The following NFRKB variants were observed in gnomAD, a reference collection of about 807,000 sequenced individuals.
The protein encoded by NFRKB is nuclear factor related to kappa-B-binding protein.
A neutral mutation model predicts 135.7 loss-of-function variants in NFRKB; 62 were observed. The observed-to-expected ratio is 0.46, with a 90% CI of 0.37 to 0.56. The LOEUF (loss-of-function observed/expected upper bound fraction) is 0.56. NFRKB is among the 20% of genes least tolerant of loss of function. The probability of loss-of-function intolerance (pLI) is 0.00; values close to 1 mark genes in which losing one functional copy is unlikely to be tolerated. For missense variants in NFRKB, 1,545 were observed against 1,662.0 expected, an observed-to-expected ratio of 0.93 and a Z score of 1.22; for synonymous variants, 678 against 635.6, an observed-to-expected ratio of 1.07 and a Z score of -1.00.
Position 129,870,215 on chromosome 11 carries a change from C to T in NFRKB, c.2810G>A (p.Ser937Asn), listed in dbSNP as rs574770080. 4 of 1,614,198 alleles carry T rather than the reference C, an allele frequency of 2.5e-6. No individual in the cohort carries two copies. Among genetic ancestry groups the T allele is most frequent in the South Asian group, 1.1e-5 (1 of 91,080 alleles). ...QLGVKPQTGN[S>N]IPLTATNFRI... ...GAAGTTAGTGGCTGTGAGTGGAATGCTGTTGCCTGTTTGGGGCTTCACACC... is the reference window on the plus strand; with the variant it reads ...GAAGTTAGTGGCTGTGAGTGGAATGTTGTTGCCTGTTTGGGGCTTCACACC... Residue 937 changes from serine to asparagine, a missense_variant, in exon 24 of 27, where the codon AGC becomes AAC. Physicochemically the swap from Ser to Asn is conservative, Grantham distance 46. This residue lies in a region of NFRKB where 753 missense variants were observed against 804.3 expected (regional missense o/e 0.94). Transcript: ENST00000682444.
At position 129,877,405 on chromosome 11, in the gene NFRKB, G is replaced by C; in HGVS notation, c.1512-20C>G. The C allele has an allele frequency of 6.2e-7, 1 of 1,613,206 alleles. No individual in the cohort carries two copies. Among genetic ancestry groups the C allele is most frequent in the East Asian group, 2.2e-5 (1 of 44,880 alleles). On this transcript the variant is annotated intron_variant, in intron 15 of 26. Transcript: ENST00000682444. ...GTTCTTCTGGAATATAAAGAATTCT[G>C]TATCAACCCTGACAGCTGGCACGTG...
Position 129,883,130 on chromosome 11 carries a change from G to A in NFRKB, c.893C>T (p.Ser298Phe). Residue 298 changes from serine (S) to phenylalanine (F), a missense_variant, in exon 9 of 27, where the codon TCT (serine) becomes TTT (phenylalanine). Coordinates refer to ENST00000682444, the MANE Select transcript of NFRKB (RefSeq NM_001143835.2). ...MTRVNAGRKG[S>F]LAALYDLAVL... ...GGGGCCCAGTCATTTACCTGCCAGA[G>A]AGCCCTTCCTGCCAGCATTTACTCG... 1 of 1,614,030 alleles carries A rather than the reference G, an allele frequency of 6.2e-7. No homozygotes were observed. Among genetic ancestry groups the A allele is most frequent in the Non-Finnish European group, 8.5e-7 (1 of 1,179,990 alleles).
chr11:129,891,606 C>T (rs929850805), intron 3 of NFRKB, among the ~76,000 whole-genome samples: 5 of 152,162 alleles, frequency 3.3e-5, no homozygotes, highest in Non-Finnish European at 7.3e-5. Flanking sequence ...GAAATTCCAC[C>T]GCTAGCCTTA....
In NFRKB at chr11:129,875,376, G is replaced by A. The variant is rs1378322928; in HGVS notation, c.1835C>T (p.Pro612Leu). The change falls in exon 18 of 27, where the codon CCA becomes CTA. Residue 612 changes from proline to leucine, a missense_variant. By Grantham distance (98) the Pro-to-Leu change is moderately conservative. Coordinates refer to ENST00000682444, the MANE Select transcript of NFRKB (RefSeq NM_001143835.2). ...TCCTACCTGAGTGCTGGTGACATCT[G>A]GTGCAAGAAACTGGGAGTCCTTAAG... is the stretch of plus-strand genomic sequence containing the variant. ...ELLKDSQFLA[P>L]DVTSTQVNTV... The A allele has an allele frequency of 1.2e-6, 2 of 1,612,850 alleles. No individual in the cohort carries two copies. Among genetic ancestry groups the A allele is most frequent in the Non-Finnish European group, 1.7e-6 (2 of 1,179,564 alleles).
At chr11:129,892,563 TAAAA>T (rs1256200480) in intron 3 of NFRKB, 148 bp downstream of exon 3, 3 of 731,664 alleles carry the variant, frequency 4.1e-6, no homozygotes, top group Admixed American at 2.9e-5. Context: ...ACTCTAAACT[TAAAA>T]AAAAGATAAG....
At chr11:129,875,261 TCA>T in intron 18 of NFRKB, 94 bp downstream of exon 18, 1 of 1,041,908 alleles carries the variant, frequency 9.6e-7, no homozygotes, top group Admixed American at 2.4e-5. Flanking sequence ...TTCACTTCAT[TCA>T]GTTTTTAAAA....
intron 17 of NFRKB, 95 bp downstream of exon 17, chr11:129,876,626 G>A: frequency 1.5e-6 from 2 of 1,376,360 alleles, no homozygotes; most frequent in East Asian, 2.4e-5. Context: ...CCTACCCTGG[G>A]TGGAGGGGTA....
intron 10 of NFRKB, 21 bp downstream of exon 10, chr11:129,882,430 G>A (rs771551498): frequency 1.2e-6 from 2 of 1,609,978 alleles, no homozygotes; most frequent in South Asian, 2.2e-5. Flanking sequence ...GAGAATTACA[G>A]AATCTCTGTT....
intron 2 of NFRKB, chr11:129,893,398 A>AAAAG: frequency 2.6e-6 from 1 of 389,902 alleles, no homozygotes; most frequent in Non-Finnish European, 5.0e-6. Flanking sequence ...ACAAAAAAAA[A>AAAAG]AAAAAAAAAA....
chr11:129,894,346 C>T lies in NFRKB; in HGVS notation c.-22+13G>A, dbSNP rs1211469799. On this transcript the variant is annotated intron_variant, in intron 2 of 26. Transcript: ENST00000682444. Reference sequence around the variant, plus strand: ...TTCCACATTCCACAAACACCACATTCCACAAATCTTACCACGCCAGGTGTC... The same window carrying T: ...TTCCACATTCCACAAACACCACATTTCACAAATCTTACCACGCCAGGTGTC... 2 of 152,248 alleles carry T rather than the reference C, an allele frequency of 1.3e-5. No individual in the cohort carries two copies. Among genetic ancestry groups the T allele is most frequent in the Non-Finnish European group, 2.9e-5 (2 of 68,046 alleles). The allele number at this position is 152,248 out of a possible 1,614,324, so 9.4% of individuals were successfully genotyped here.
intron 24 of NFRKB, among the ~76,000 whole-genome samples, chr11:129,867,099 A>G (rs1948229090): frequency 6.6e-6 from 1 of 152,186 alleles, no homozygotes; most frequent in African/African-American, 2.4e-5. Context: ...CCCTTCAGGA[A>G]CTACCAAAAA....
chr11:129,868,876 C>T (rs926061436), intron 24 of NFRKB, among the ~76,000 whole-genome samples: 4 of 152,072 alleles, frequency 2.6e-5, no homozygotes, highest in Non-Finnish European at 4.4e-5. Context: ...CAAAATAAGC[C>T]GGGTGTGATG....
rs545927194 is a variant in NFRKB at position 129,888,815 on chromosome 11, T to C, written c.136-20A>G. On this transcript the variant is annotated intron_variant, in intron 3 of 26. Transcript: ENST00000682444. ...CTCAGGCTAGGAGAAATAGGAAAAGTAAACAAAAGTAAAATAAATTTTTGA... is the reference window on the plus strand; with the variant it reads ...CTCAGGCTAGGAGAAATAGGAAAAGCAAACAAAAGTAAAATAAATTTTTGA... 3.1e-6 allele frequency: 5 copies of C among 1,594,166 alleles called. No homozygotes were observed. In the South Asian group the frequency reaches 4.5e-5, roughly 14 times the overall value.
chr11:129,887,698 A>G (rs1025615263), intron 4 of NFRKB, among the ~76,000 whole-genome samples: 1 of 152,220 alleles, frequency 6.6e-6, no homozygotes, highest in East Asian at 1.9e-4. Flanking sequence ...CAGATCCTGG[A>G]TTTACACAGC....
chr11:129,885,348 G>T, intron 6 of NFRKB, 87 bp downstream of exon 6: 1 of 1,440,912 alleles, frequency 6.9e-7, no homozygotes, highest in Non-Finnish European at 9.5e-7. Context: ...TTGCTGGGGA[G>T]ATAAATGGCT....
chr11:129,890,350 G>A (rs188559972), intron 3 of NFRKB, among the ~76,000 whole-genome samples: 3 of 152,134 alleles, frequency 2.0e-5, no homozygotes, highest in Admixed American at 6.5e-5. Flanking sequence ...GCATAGAGGC[G>A]CCTAATAGAA....
chr11:129,872,931 TGGA>T lies in NFRKB; in HGVS notation c.2713_2715del (p.Ser905del). On this transcript the variant is annotated inframe_deletion, in exon 23 of 27. Coordinates refer to ENST00000682444, the MANE Select transcript of NFRKB (RefSeq NM_001143835.2). ...GTGACATTTTGAATGACGGCAGCCGTGGAGGCACTGGGAGCAGAGGTCCCAGGA... is the reference window on the plus strand; with the variant it reads ...GTGACATTTTGAATGACGGCAGCCGTGGCACTGGGAGCAGAGGTCCCAGGA... 6.2e-7 allele frequency: 1 copy of T among 1,613,872 alleles called. No individual in the cohort carries two copies. Among genetic ancestry groups the T allele is most frequent in the Non-Finnish European group, 8.5e-7 (1 of 1,179,794 alleles).
rs369652682 is a variant in NFRKB at position 129,883,108 on chromosome 11, G to A, written c.901+14C>T. Reference sequence around the variant, plus strand: ...TAGTCAGATGAAGGCTCCTAGAGGGGCCCAGTCATTTACCTGCCAGAGAGC... The same window carrying A: ...TAGTCAGATGAAGGCTCCTAGAGGGACCCAGTCATTTACCTGCCAGAGAGC... On this transcript the variant is annotated intron_variant, in intron 9 of 26. Coordinates refer to ENST00000682444, the MANE Select transcript of NFRKB (RefSeq NM_001143835.2). 5.6e-6 allele frequency: 9 copies of A among 1,612,994 alleles called. No homozygotes were observed. Among genetic ancestry groups the A allele is most frequent in the Admixed American group, 1.7e-5 (1 of 59,970 alleles).
chr11:129,864,910 C>G (rs568867117), intron 26 of NFRKB, 56 bp downstream of exon 26: 8 of 1,613,146 alleles, frequency 5.0e-6, no homozygotes, highest in Non-Finnish European at 6.8e-6. Context: ...CAGTTAAGAA[C>G]AGCAGTGGAA....
Sources: allele counts gnomAD v4.1 joint callset (sites outside exome capture counted in the v4.1 genomes callset), GRCh38; gene constraint gnomAD v4.1.1; regional missense constraint gnomAD v4.1.1; transcripts MANE v1.5; gene names NCBI Gene and HGNC (gene_info 2026-07-23, HGNC 2026-07-21).